SHQ1: variants seen among roughly 807,000 people sequenced by gnomAD.
SHQ1 encodes the protein SHQ1, H/ACA ribonucleoprotein assembly factor.
In SHQ1, 49 loss-of-function variants were observed where a neutral mutation model predicts 53.8. The ratio of observed to expected loss-of-function variants is 0.91; its 90% CI spans 0.72 to 1.16. The LOEUF is 1.16. SHQ1 is among the 50% of genes most tolerant of loss of function. The pLI, the probability that SHQ1 is intolerant of heterozygous loss-of-function variation, is 0.00. For synonymous variants in SHQ1, 243 were observed against 251.0 expected (o/e 0.97, Z 0.30); for missense variants, 738 against 683.1 (o/e 1.08, Z -0.90).
intron 5 of SHQ1, 78 bp downstream of exon 5, chr3:72,832,291 C>A (rs758497604): frequency 9.9e-7 from 1 of 1,012,324 alleles, no homozygotes; most frequent in Non-Finnish European, 1.6e-6. Context: ...ACATCCCTAG[C>A]AGAGTTTAAA....
chr3:72,742,619 C>CTTTTTTTTT, the SHQ1 span, among the ~76,000 whole-genome samples: 21 of 128,586 alleles, frequency 1.6e-4, no homozygotes, highest in African/African-American at 2.9e-4. Flanking sequence ...TTCTTTTTTT[C>CTTTTTTTTT]TTTTTTTTTT....
downstream of SHQ1, among the ~76,000 whole-genome samples, chr3:72,745,651 T>C (rs1039958199): frequency 6.6e-6 from 1 of 152,272 alleles, no homozygotes; most frequent in African/African-American, 2.4e-5. Context: ...GGTAGCTAAA[T>C]AGAGCCCTGT....
chr3:72,750,668 G>A lies in SHQ1; in HGVS notation c.1350C>T (p.Ser450=), dbSNP rs1705347321. 1.2e-6 allele frequency: 2 copies of A among 1,611,364 alleles called. No homozygotes were observed. The highest frequency in any genetic ancestry group is 1.7e-6 in the Non-Finnish European group (2 of 1,178,620). ...HSVSGQQTLC[S]SSEASDSEDS... ...CCTCCGAATCACTTGCCTCAGAGCT[G>A]GAGCAAAGTGTCTGCTGCCCAGAAA... Residue 450 remains serine (S), a synonymous_variant, in exon 11 of 11, where the codon TCC becomes TCT. Coordinates refer to ENST00000325599, the MANE Select transcript of SHQ1 (RefSeq NM_018130.3).
At chr3:72,726,896 A>G in the SHQ1 span, among the ~76,000 whole-genome samples, 1 of 152,148 alleles carries the variant, frequency 6.6e-6, no homozygotes, top group Admixed American at 6.5e-5. Context: ...CCTCCTTCGG[A>G]GCTATTTGTG....
intron 9 of SHQ1, among the ~76,000 whole-genome samples, chr3:72,802,417 A>G (rs1042314026): frequency 6.6e-6 from 1 of 152,144 alleles, no homozygotes. Context: ...ACCGGCTCCA[A>G]TGCCAAACTC....
chr3:72,818,165 T>C (rs562427358), intron 6 of SHQ1, among the ~76,000 whole-genome samples: 6 of 152,118 alleles, frequency 3.9e-5, no homozygotes, highest in African/African-American at 1.2e-4. Flanking sequence ...AACTAGGTCA[T>C]TTTTCTCCAT....
At chr3:72,809,187 C>T (rs934452027) in intron 9 of SHQ1, among the ~76,000 whole-genome samples, 2 of 152,058 alleles carry the variant, frequency 1.3e-5, no homozygotes, top group East Asian at 3.9e-4. Context: ...TATGTCCTGC[C>T]AAAGTGAAAG....
chr3:72,839,439 T>G (rs1204000336), intron 4 of SHQ1, among the ~76,000 whole-genome samples: 1 of 152,234 alleles, frequency 6.6e-6, no homozygotes, highest in African/African-American at 2.4e-5. Flanking sequence ...CCTAAGTAAA[T>G]CTCAATGTTG....
chr3:72,765,463 C>T (rs1427488035), intron 10 of SHQ1, among the ~76,000 whole-genome samples: 3 of 146,460 alleles, frequency 2.0e-5, no homozygotes, highest in Non-Finnish European at 3.0e-5. Context: ...TTCCTTCTGT[C>T]GCCCAGGCTG....
At chr3:72,811,961 A>G (rs955693209) in intron 9 of SHQ1, among the ~76,000 whole-genome samples, 30 of 152,202 alleles carry the variant, frequency 2.0e-4, no homozygotes, top group Non-Finnish European at 5.9e-5. Flanking sequence ...GCCAGAACTA[A>G]TACATACAAA....
chr3:72,758,836 G>T (rs1021343500), intron 10 of SHQ1, among the ~76,000 whole-genome samples: 3 of 152,064 alleles, frequency 2.0e-5, no homozygotes, highest in African/African-American at 7.2e-5. Context: ...CAAAGAGCTG[G>T]GATTACAGGC....
At chr3:72,745,558 C>G (rs1705244824), downstream of SHQ1, among the ~76,000 whole-genome samples, 1 of 152,106 alleles carries the variant, frequency 6.6e-6, no homozygotes, top group Non-Finnish European at 1.5e-5. Flanking sequence ...ACTGTGTAGA[C>G]TTTTACCACT....
chr3:72,798,257 C>G (rs538733112), intron 9 of SHQ1, among the ~76,000 whole-genome samples: 2 of 152,232 alleles, frequency 1.3e-5, no homozygotes, highest in East Asian at 3.9e-4. Context: ...ATGGCACTAA[C>G]AGCTCTCTCC....
chr3:72,741,375 C>T, the SHQ1 span, among the ~76,000 whole-genome samples: 1 of 152,126 alleles, frequency 6.6e-6, no homozygotes, highest in Non-Finnish European at 1.5e-5. Context: ...CACCTGAGGT[C>T]AGGAGTTCGA....
intron 9 of SHQ1, among the ~76,000 whole-genome samples, chr3:72,807,369 C>T (rs1328968287): frequency 6.6e-6 from 1 of 152,228 alleles, no homozygotes; most frequent in Non-Finnish European, 1.5e-5. Flanking sequence ...AGCAGCCTCA[C>T]ATGGCAGGTT....
At chr3:72,832,348 C>T (rs1276967227) in intron 5 of SHQ1, 21 bp downstream of exon 5, 1 of 1,538,366 alleles carries the variant, frequency 6.5e-7, no homozygotes, top group Non-Finnish European at 9.0e-7. Context: ...TTATTTAATC[C>T]TCAAAAATCT....
At chr3:72,788,988 A>G (rs946591944) in intron 10 of SHQ1, among the ~76,000 whole-genome samples, 1 of 151,836 alleles carries the variant, frequency 6.6e-6, no homozygotes, top group African/African-American at 2.4e-5. Flanking sequence ...ACCTTTGTTC[A>G]CATGTTTATC....
intron 9 of SHQ1, among the ~76,000 whole-genome samples, chr3:72,808,035 A>G (rs1442780190): frequency 6.6e-6 from 1 of 152,204 alleles, no homozygotes; most frequent in Non-Finnish European, 1.5e-5. Flanking sequence ...CTTAAAAACA[A>G]AACAGCAAAT....
chr3:72,778,354 T>C (rs1218192065), intron 10 of SHQ1, among the ~76,000 whole-genome samples: 1 of 151,888 alleles, frequency 6.6e-6, no homozygotes, highest in Non-Finnish European at 1.5e-5. Context: ...GAGGATGAGA[T>C]GGCAGGATCA....
Sources: gnomAD v4.1 joint callset for allele counts (sites outside exome capture counted in the v4.1 genomes callset) on GRCh38, gnomAD v4.1.1 for gene constraint, MANE v1.5 for transcripts, NCBI Gene and HGNC (gene_info 2026-07-23, HGNC 2026-07-21) for gene names.